PLCB1: variants seen among roughly 807,000 people sequenced by gnomAD.
PLCB1 encodes 1-phosphatidylinositol 4,5-bisphosphate phosphodiesterase beta-1.
Under a neutral mutation model 161.8 loss-of-function variants are expected in PLCB1, and 46 were observed. The observed-to-expected ratio is 0.28, with a 90% CI of 0.22 to 0.36. The LOEUF (loss-of-function observed/expected upper bound fraction) is 0.36, where lower values mean the gene tolerates loss of function less well. PLCB1 is among the 10% of genes least tolerant of loss of function. The pLI is 1.00. For missense variants in PLCB1, 1,016 were observed against 1,472.5 expected (o/e 0.69, Z 5.07); for synonymous variants, 517 against 503.7 (o/e 1.03, Z -0.35).
chr20:8,611,676 TTTA>T (rs1320786256), intron 3 of PLCB1, among the ~76,000 whole-genome samples: 2 of 152,124 alleles, frequency 1.3e-5, no homozygotes, highest in African/African-American at 4.8e-5. Flanking sequence ...TTTACAGAGT[TTTA>T]TTGACCGTGC....
In PLCB1 at chr20:8,132,735, C is replaced by G; in HGVS notation, c.84C>G (p.Phe28Leu). 6.2e-7 allele frequency: 1 copy of G among 1,611,600 alleles called. No individual in the cohort carries two copies. The highest frequency in any genetic ancestry group is 8.5e-7 in the Non-Finnish European group (1 of 1,178,096). ...ACAGCCTCAAGAAGGGCACCAAATTCGTCAAGTGGGATGATGTAAGTATTG... is the reference window on the plus strand; with the variant it reads ...ACAGCCTCAAGAAGGGCACCAAATTGGTCAAGTGGGATGATGTAAGTATTG... ...VSDSLKKGTKFVKWDDDSTIV... is the reference protein window; with the variant it reads ...VSDSLKKGTKLVKWDDDSTIV... The change falls in exon 1 of 32, where the codon TTC becomes TTG. Residue 28 changes from phenylalanine (F) to leucine (L), a missense_variant. Physicochemically the swap from Phe to Leu is conservative, Grantham distance 22. Coordinates refer to ENST00000338037, the MANE Select transcript of PLCB1 (RefSeq NM_015192.4). The surrounding 1 kb of genome is among the most constrained non-coding windows in gnomAD (Gnocchi z 5.2).
chr20:8,576,854 A>T (rs923916021), intron 3 of PLCB1, among the ~76,000 whole-genome samples: 1 of 152,218 alleles, frequency 6.6e-6, no homozygotes, highest in African/African-American at 2.4e-5. Flanking sequence ...ACTACACAAT[A>T]ATTCATACAT....
intron 9 of PLCB1, among the ~76,000 whole-genome samples, chr20:8,667,606 C>A (rs568061702): frequency 6.6e-6 from 1 of 152,288 alleles, no homozygotes; most frequent in South Asian, 2.1e-4. Context: ...CTGCTCAGGC[C>A]CACAGCTCTG....
intron 2 of PLCB1, among the ~76,000 whole-genome samples, chr20:8,347,838 T>C (rs1473319290): frequency 6.6e-6 from 1 of 152,092 alleles, no homozygotes; most frequent in African/African-American, 2.4e-5. Flanking sequence ...TCAGGATTGC[T>C]CTAGTTTCAA....
intron 2 of PLCB1, among the ~76,000 whole-genome samples, chr20:8,332,186 C>G (rs1246882826): frequency 6.6e-6 from 1 of 152,232 alleles, no homozygotes; most frequent in East Asian, 1.9e-4. Flanking sequence ...ATTCTACTGA[C>G]TTGCTGTCAG....
At chr20:8,689,927 C>CT (rs1990436210) in intron 10 of PLCB1, among the ~76,000 whole-genome samples, 1 of 51,962 alleles carries the variant, frequency 1.9e-5, no homozygotes, top group African/African-American at 5.0e-5. Context: ...AAGGGTTTAC[C>CT]TTTTTTATGA....
intron 9 of PLCB1, among the ~76,000 whole-genome samples, chr20:8,667,435 T>C (rs1408246277): frequency 6.6e-6 from 1 of 152,244 alleles, no homozygotes; most frequent in African/African-American, 2.4e-5. Flanking sequence ...ATCGTCATTG[T>C]GGATCTATTG....
intron 3 of PLCB1, among the ~76,000 whole-genome samples, chr20:8,398,383 G>C (rs774559627): frequency 2.6e-5 from 4 of 151,990 alleles, no homozygotes; most frequent in Non-Finnish European, 5.9e-5. Context: ...ATATGTCTTA[G>C]TCACTTTGGG....
chr20:8,247,339 T>A (rs752978604), intron 2 of PLCB1, among the ~76,000 whole-genome samples: 3 of 151,946 alleles, frequency 2.0e-5, no homozygotes, highest in Non-Finnish European at 4.4e-5. Flanking sequence ...CAGCTTAAAA[T>A]GACATATTCT....
At chr20:8,707,115 A>G (rs1978726975) in intron 11 of PLCB1, among the ~76,000 whole-genome samples, 1 of 152,220 alleles carries the variant, frequency 6.6e-6, no homozygotes, top group Non-Finnish European at 1.5e-5. Context: ...CTGATTATGT[A>G]TGAAAGATAA....
intron 3 of PLCB1, among the ~76,000 whole-genome samples, chr20:8,603,534 G>A (rs980660590): frequency 6.6e-6 from 1 of 152,180 alleles, no homozygotes; most frequent in Admixed American, 6.5e-5. Context: ...CCATTCAACT[G>A]TGTCTAAATT....
In PLCB1 at chr20:8,403,392, C is replaced by T. The variant is rs527411819; in HGVS notation, c.246+31942C>T. Among the ~76,000 whole-genome samples, 12 of 151,940 alleles carry T rather than the reference C, an allele frequency of 7.9e-5. No individual in the cohort carries two copies. The South Asian group carries it at 1.7e-3, about 21-fold the overall frequency. On this transcript the variant is annotated intron_variant, in intron 3 of 31. Coordinates refer to ENST00000338037, the MANE Select transcript of PLCB1 (RefSeq NM_015192.4). ...GCAAGACTGTGTCTCAAAAACCAAC[C>T]AAACAAAAAACAACAGGGAGTGTCC...
intron 3 of PLCB1, among the ~76,000 whole-genome samples, chr20:8,437,703 C>T (rs1600399946): frequency 1.3e-5 from 2 of 152,178 alleles, no homozygotes; most frequent in Middle Eastern, 6.8e-3. Context: ...AAAATGTGCA[C>T]CAGAGTGGCA....
chr20:8,523,494 CTCTATA>C (rs1262160872), intron 3 of PLCB1, among the ~76,000 whole-genome samples: 6 of 49,602 alleles, frequency 1.2e-4, no homozygotes, highest in South Asian at 1.3e-3. Context: ...CTCTCTCTCT[CTCTATA>C]TATATATATA....
In PLCB1 at chr20:8,370,476, C is replaced by G. The variant is rs144046815; in HGVS notation, c.178-906C>G. Among the ~76,000 whole-genome samples the G allele has an allele frequency of 3.9e-5, 6 of 152,276 alleles. No homozygotes were observed. In the East Asian group the frequency reaches 1.2e-3, roughly 29 times the overall value. On this transcript the variant is annotated intron_variant, in intron 2 of 31. Transcript: ENST00000338037. The stretch of plus-strand genomic sequence containing the variant: ...CCTGGATGCTTCTCTATCCTTCTCC[C>G]TACCTCCTTTCCCCGCAATGTTCTC...
At chr20:8,541,588 G>GAAAGAAAGAAAGAAAA (rs1985326705) in intron 3 of PLCB1, among the ~76,000 whole-genome samples, 3 of 150,632 alleles carry the variant, frequency 2.0e-5, no homozygotes, top group South Asian at 2.1e-4. Context: ...AAGAAAGAAA[G>GAAAGAAAGAAAGAAAA]AAAGAAAGAA....
chr20:8,519,616 C>T (rs985384809), intron 3 of PLCB1, among the ~76,000 whole-genome samples: 2 of 151,916 alleles, frequency 1.3e-5, no homozygotes, highest in Non-Finnish European at 2.9e-5. Context: ...CCTAGTTTCC[C>T]AGGGTAAATA....
At chr20:8,796,241 T>C (rs566781814) in intron 31 of PLCB1, among the ~76,000 whole-genome samples, 16 of 152,138 alleles carry the variant, frequency 1.1e-4, no homozygotes, top group African/African-American at 3.9e-4. Flanking sequence ...ACCAAGGGAA[T>C]ATAGACTGAT....
intron 31 of PLCB1, among the ~76,000 whole-genome samples, chr20:8,852,593 G>C (rs1218432755): frequency 6.6e-6 from 1 of 152,130 alleles, no homozygotes. Context: ...TTACAGACAA[G>C]GGGCACACAG....
Sources: allele counts gnomAD v4.1 joint callset (sites outside exome capture counted in the v4.1 genomes callset), GRCh38; gene constraint gnomAD v4.1.1; non-coding constraint Gnocchi (gnomAD v3.1); transcripts MANE v1.5; gene names NCBI Gene and HGNC (gene_info 2026-07-23, HGNC 2026-07-21).